The following PTPRR variants were observed in gnomAD, a reference collection of about 807,000 sequenced individuals.
PTPRR encodes the protein receptor-type tyrosine-protein phosphatase R.
A neutral mutation model predicts 77.2 loss-of-function variants in PTPRR; 38 were observed. The ratio of observed to expected loss-of-function variants is 0.49; its 90% CI spans 0.38 to 0.65. The LOEUF (loss-of-function observed/expected upper bound fraction) is 0.65, where lower values mean the gene tolerates loss of function less well. Among genes scored for constraint, PTPRR ranks in the 30% least tolerant of loss-of-function variants. PTPRR has a pLI of 0.00. For missense variants in PTPRR, 744 were observed against 799.2 expected, an observed-to-expected ratio of 0.93 and a Z score of 0.83; for synonymous variants, 299 against 283.1, an observed-to-expected ratio of 1.06 and a Z score of -0.57.
At chr12:70,824,930 C>T (rs886409248) in intron 2 of PTPRR, among the ~76,000 whole-genome samples, 1 of 152,200 alleles carries the variant, frequency 6.6e-6, no homozygotes, top group African/African-American at 2.4e-5. Flanking sequence ...ATACTCCTCA[C>T]AGTAACCCTG....
intron 5 of PTPRR, among the ~76,000 whole-genome samples, chr12:70,746,393 A>C (rs542998649): frequency 6.6e-6 from 1 of 152,322 alleles, no homozygotes; most frequent in Non-Finnish European, 1.5e-5. Context: ...GTTTGGTCAC[A>C]TGGGGAAATG....
chr12:70,788,731 T>C, intron 2 of PTPRR: 1 of 913,552 alleles, frequency 1.1e-6, no homozygotes, highest in South Asian at 1.4e-5. Flanking sequence ...CATGAACAGA[T>C]ATAGACATAA....
chr12:70,640,395 C>T (rs984748428), intron 13 of PTPRR, among the ~76,000 whole-genome samples: 1 of 152,020 alleles, frequency 6.6e-6, no homozygotes, highest in Non-Finnish European at 1.5e-5. Context: ...AGGCTGGTCT[C>T]CTGGACTCAA....
At chr12:70,706,969 A>T (rs1482765080) in intron 6 of PTPRR, among the ~76,000 whole-genome samples, 1 of 150,534 alleles carries the variant, frequency 6.6e-6, no homozygotes. Context: ...CATAATTAAT[A>T]ATAACATGGT....
intron 8 of PTPRR, among the ~76,000 whole-genome samples, chr12:70,694,764 T>C (rs553865216): frequency 6.6e-6 from 1 of 152,252 alleles, no homozygotes; most frequent in African/African-American, 2.4e-5. Flanking sequence ...TCACACAATA[T>C]ACCCTTGTAA....
chr12:70,911,750 G>GAAAAAAAAAAAAAAAAAAAAAAAAA (rs35226592), intron 1 of PTPRR, among the ~76,000 whole-genome samples: 1 of 105,824 alleles, frequency 9.4e-6, no homozygotes, highest in Non-Finnish European at 1.9e-5. Flanking sequence ...AGGCTCAACT[G>GAAAAAAAAAAAAAAAAAAAAAAAAA]AAAAAAAAAA....
intron 2 of PTPRR, among the ~76,000 whole-genome samples, chr12:70,797,667 G>A (rs896689060): frequency 6.6e-6 from 1 of 152,114 alleles, no homozygotes; most frequent in African/African-American, 2.4e-5. Context: ...TAGACACTGT[G>A]TGTCCTTATC....
chr12:70,656,474 A>G (rs1886584308), intron 13 of PTPRR, among the ~76,000 whole-genome samples: 1 of 152,146 alleles, frequency 6.6e-6, no homozygotes. Context: ...GGCTGCTGGG[A>G]GCTGAGATTG....
chr12:70,718,933 T>G (rs1889136840), intron 6 of PTPRR, among the ~76,000 whole-genome samples: 1 of 152,182 alleles, frequency 6.6e-6, no homozygotes, highest in Admixed American at 6.5e-5. Context: ...AATACGCACA[T>G]TTTCCACCAA....
At chr12:70,831,532 A>G (rs1892212957) in intron 2 of PTPRR, among the ~76,000 whole-genome samples, 1 of 152,190 alleles carries the variant, frequency 6.6e-6, no homozygotes, top group African/African-American at 2.4e-5. Context: ...CAGGGGTCCA[A>G]CCCATCTAAT....
chr12:70,682,810 A>C lies in PTPRR; in HGVS notation c.1497+1317T>G, dbSNP rs1397031388. Among the ~76,000 whole-genome samples the C allele has an allele frequency of 1.3e-5, 2 of 152,174 alleles. 1 individual carries two copies. Among genetic ancestry groups the C allele is most frequent in the South Asian group, 4.1e-4 (2 of 4,834 alleles). ...GAAACAGCTGAGAATATTAGGGGTT[A>C]TTTTTATAATGCCACCTCAGGCTTT... On this transcript the variant is annotated intron_variant, in intron 10 of 13. Coordinates refer to ENST00000283228, the MANE Select transcript of PTPRR (RefSeq NM_002849.4).
intron 2 of PTPRR, among the ~76,000 whole-genome samples, chr12:70,784,391 G>T (rs1318916630): frequency 6.6e-6 from 1 of 152,242 alleles, no homozygotes; most frequent in Non-Finnish European, 1.5e-5. Context: ...GATCCTTGCT[G>T]GGCCTGGGCT....
rs569706794 is a variant in PTPRR, at chr12:70,857,279, G to A, written c.357+35400C>T. ...AGACAGAGTAGTAGTAGGAAAGGCC[G>A]GAGAATATAGTGCCATGAAGAAGGG... On this transcript the variant is annotated intron_variant, in intron 2 of 13. Coordinates refer to ENST00000283228, the MANE Select transcript of PTPRR (RefSeq NM_002849.4). Among the ~76,000 whole-genome samples, 19 of 152,208 alleles carry A rather than the reference G, an allele frequency of 1.2e-4. No individual in the cohort carries two copies. The East Asian group carries it at 2.5e-3, about 20-fold the overall frequency.
chr12:70,658,141 T>C (rs568803812), intron 12 of PTPRR, among the ~76,000 whole-genome samples: 36 of 152,340 alleles, frequency 2.4e-4, no homozygotes, highest in African/African-American at 8.2e-4. Context: ...TTCCCTCCCG[T>C]GTGCCATGAT....
intron 2 of PTPRR, among the ~76,000 whole-genome samples, chr12:70,882,922 T>C (rs941687871): frequency 7.2e-5 from 11 of 152,202 alleles, no homozygotes; most frequent in African/African-American, 2.7e-4. Flanking sequence ...ATTCAATGTG[T>C]TTTATCATTT....
intron 2 of PTPRR, among the ~76,000 whole-genome samples, chr12:70,857,421 T>G (rs1892672102): frequency 6.6e-6 from 1 of 152,144 alleles, no homozygotes. Flanking sequence ...GAATCCATAC[T>G]GTAGTGGATT....
At chr12:70,783,664 GC>G (rs112222352) in intron 2 of PTPRR, among the ~76,000 whole-genome samples, 3,170 of 152,114 alleles carry the variant, frequency 0.021, 127 homozygotes, top group African/African-American at 0.072. Flanking sequence ...AGGACTGGCG[GC>G]CCCGGACCCC....
At chr12:70,872,940 TATAA>T (rs945610972) in intron 2 of PTPRR, among the ~76,000 whole-genome samples, 5 of 152,116 alleles carry the variant, frequency 3.3e-5, no homozygotes, top group Non-Finnish European at 7.4e-5. Context: ...TTGTGCATAA[TATAA>T]ATATTTCAAA....
intron 6 of PTPRR, among the ~76,000 whole-genome samples, chr12:70,705,552 T>G (rs1017707748): frequency 6.6e-6 from 1 of 152,026 alleles, no homozygotes; most frequent in Non-Finnish European, 1.5e-5. Context: ...TTTCTTGTAG[T>G]CCCGGAAGAT....
Sources: allele counts gnomAD v4.1 joint callset (sites outside exome capture counted in the v4.1 genomes callset), GRCh38; gene constraint gnomAD v4.1.1; transcripts MANE v1.5; gene names NCBI Gene and HGNC (gene_info 2026-07-23, HGNC 2026-07-21).